SHPRH: variants seen among roughly 807,000 people sequenced by gnomAD.
SHPRH encodes E3 ubiquitin-protein ligase SHPRH.
Under a neutral mutation model 202.5 loss-of-function variants are expected in SHPRH, and 106 were observed. The observed-to-expected ratio is 0.52, with a 90% confidence interval of 0.45 to 0.62. SHPRH has a LOEUF of 0.62. SHPRH is among the 20% of genes least tolerant of loss of function. SHPRH has a pLI of 0.00. For synonymous variants in SHPRH, 729 were observed against 686.0 expected, an observed-to-expected ratio of 1.06 and a Z score of -0.98; for missense variants, 1,710 against 2,020.0, an observed-to-expected ratio of 0.85 and a Z score of 2.94.
At position 145,942,323 on chromosome 6, in the gene SHPRH, T is replaced by C. The variant is rs118182774; in HGVS notation, c.2239-449A>G. 3.5e-3 allele frequency among the ~76,000 whole-genome samples: 526 copies of C among 152,318 alleles called. 4 individuals are homozygous for C. Among genetic ancestry groups the C allele is most frequent in the Admixed American group, 5.9e-3 (90 of 15,290 alleles). ...TATGTTTCAGATACTGTGCTAAGCA[T>C]TATCTCCAAACTTCAACAATAATTC... On this transcript the variant is annotated intron_variant, in intron 9 of 29. Transcript: ENST00000275233.
At chr6:145,860,965 C>T (rs1325564213), downstream of SHPRH, among the ~76,000 whole-genome samples, 1 of 151,772 alleles carries the variant, frequency 6.6e-6, no homozygotes, top group African/African-American at 2.4e-5. Flanking sequence ...TGAAAGTGGG[C>T]CCTATATACA....
chr6:145,913,363 T>C, intron 24 of SHPRH, 115 bp downstream of exon 24: 1 of 885,910 alleles, frequency 1.1e-6, no homozygotes, highest in South Asian at 1.6e-5. Context: ...ATAATGGTAA[T>C]ACTTGCCTTT....
intron 2 of SHPRH, chr6:145,864,497 G>A: frequency 8.4e-6 from 2 of 237,266 alleles, no homozygotes; most frequent in Non-Finnish European, 9.3e-6. Flanking sequence ...AAAACCTGTG[G>A]AAATAAAAAA....
chr6:145,943,875 A>G lies in SHPRH; in HGVS notation c.1579-73T>C, dbSNP rs1029977541. ...GAAATTAAACTCCTGACTTTATGTA[A>G]GTACTTCATATAATTATGTAGCAGC... On this transcript the variant is annotated intron_variant, in intron 8 of 29. Coordinates refer to ENST00000275233, the MANE Select transcript of SHPRH (RefSeq NM_001042683.3). 2.3e-5 allele frequency: 31 copies of G among 1,326,158 alleles called. No homozygotes were observed. The African/African-American group carries it at 3.8e-4, about 16-fold the overall frequency. The allele number at this position is 1,326,158 out of a possible 1,614,324, so 82.1% of individuals were successfully genotyped here.
At chr6:145,891,573 T>C (rs1781569420) in intron 28 of SHPRH, among the ~76,000 whole-genome samples, 1 of 152,174 alleles carries the variant, frequency 6.6e-6, no homozygotes, top group African/African-American at 2.4e-5. Flanking sequence ...CCTAAAACAG[T>C]GCCTGGCACA....
chr6:145,882,830 A>G (rs995119423), downstream of SHPRH, among the ~76,000 whole-genome samples: 1 of 152,196 alleles, frequency 6.6e-6, no homozygotes, highest in African/African-American at 2.4e-5. Flanking sequence ...AGTATATCCT[A>G]AATAAATAAT....
At chr6:145,921,644 G>C (rs1784438800) in intron 20 of SHPRH, among the ~76,000 whole-genome samples, 1 of 151,796 alleles carries the variant, frequency 6.6e-6, no homozygotes, top group Non-Finnish European at 1.5e-5. Context: ...TTGACATGCA[G>C]AAGTGAACGT....
intron 14 of SHPRH, among the ~76,000 whole-genome samples, chr6:145,929,513 G>A (rs1240931870): frequency 6.6e-6 from 1 of 151,998 alleles, no homozygotes; most frequent in Non-Finnish European, 1.5e-5. Context: ...TCTAATTTAT[G>A]TAAGTTATAT....
Position 145,895,049 on chromosome 6 carries a change from A to G in SHPRH, c.4516-72T>C, listed in dbSNP as rs1005015314. 11 of 1,313,624 alleles carry G rather than the reference A, an allele frequency of 8.4e-6. No individual in the cohort carries two copies. The Admixed American group carries it at 1.4e-4, about 17-fold the overall frequency. The allele number at this position is 1,313,624 out of a possible 1,614,324, so 81.4% of individuals were successfully genotyped here. A position where few individuals can be genotyped will look rare whatever the true frequency, so the allele number is the denominator to read the frequency against. On this transcript the variant is annotated intron_variant, in intron 25 of 29. Transcript: ENST00000275233. ...TAAGAACAGAATAGAAAAGCAATAC[A>G]AAGTACTTTTTATTATCAAAACTAT...
intron 4 of SHPRH, among the ~76,000 whole-genome samples, chr6:145,948,581 A>C (rs763701379): frequency 6.6e-6 from 1 of 152,054 alleles, no homozygotes; most frequent in African/African-American, 2.4e-5. Flanking sequence ...TTTGGGCACA[A>C]ATCCACATCA....
chr6:145,879,586 C>T (rs1780459039), intron 2 of SHPRH, among the ~76,000 whole-genome samples: 1 of 152,068 alleles, frequency 6.6e-6, no homozygotes, highest in African/African-American at 2.4e-5. Flanking sequence ...CAAAACCGAT[C>T]CTATAGGCGC....
At position 145,935,106 on chromosome 6, in the gene SHPRH, T is replaced by C; in HGVS notation, c.2791A>G (p.Arg931Gly). Residue 931 changes from arginine to glycine, a missense_variant, in exon 13 of 30, where the codon AGG (arginine) becomes GGG (glycine). Arg to Gly is a moderately radical substitution (Grantham distance 125). Transcript: ENST00000275233. ...IHWLHFSPVE[R>G]HFYHRQHEVC... Reference sequence around the variant, plus strand: ...TCATGCTGACGGTGATAGAAATGCCTTTCCACTGGAGAAAAGTGGAGCCAG... The same window carrying C: ...TCATGCTGACGGTGATAGAAATGCCCTTCCACTGGAGAAAAGTGGAGCCAG... 10 of 1,613,904 alleles carry C rather than the reference T, an allele frequency of 6.2e-6. No individual in the cohort carries two copies. The highest frequency in any genetic ancestry group is 8.5e-6 in the Non-Finnish European group (10 of 1,179,966).
At chr6:145,932,329 A>C (rs973854192) in intron 14 of SHPRH, among the ~76,000 whole-genome samples, 3 of 152,180 alleles carry the variant, frequency 2.0e-5, no homozygotes, top group African/African-American at 7.2e-5. Flanking sequence ...AAAAACTACA[A>C]TAACAGGCAA....
At chr6:145,878,806 G>A (rs956969035) in intron 2 of SHPRH, among the ~76,000 whole-genome samples, 1 of 152,110 alleles carries the variant, frequency 6.6e-6, no homozygotes, top group Non-Finnish European at 1.5e-5. Flanking sequence ...TGTGGTTTCG[G>A]AGCAGAGCCA....
chr6:145,934,841 C>T (rs953115579), intron 13 of SHPRH, 66 bp downstream of exon 13: 13 of 1,453,380 alleles, frequency 8.9e-6, no homozygotes, highest in African/African-American at 5.7e-5. Context: ...TGAATGAAAC[C>T]GTGGGCCTGA....
intron 9 of SHPRH, 71 bp downstream of exon 9, chr6:145,943,072 A>G (rs1412761662): frequency 1.4e-6 from 2 of 1,473,402 alleles, no homozygotes; most frequent in Non-Finnish European, 1.8e-6. Context: ...AAAGAAACAA[A>G]GATTAGGAAA....
At chr6:145,926,423 T>A in intron 15 of SHPRH, 127 bp from the exon 16 acceptor site, 2 of 822,426 alleles carry the variant, frequency 2.4e-6, no homozygotes, top group East Asian at 2.6e-5. Flanking sequence ...ACTTTTCCTA[T>A]AAAAAAATCT....
At chr6:145,932,961 A>G in intron 14 of SHPRH, 96 bp downstream of exon 14, 1 of 1,321,010 alleles carries the variant, frequency 7.6e-7, no homozygotes, top group South Asian at 1.5e-5. Flanking sequence ...TTTGGGGGAA[A>G]AATCCCCCCC....
chr6:145,964,074 T>G lies in SHPRH; in HGVS notation c.-376A>C, dbSNP rs148611470. ...GCTCCAGGACAACCAGCGTCCTCCC[T>G]CCCTGGTCCCGGAGGCCAAAGACCA... On this transcript the variant is annotated 5_prime_UTR_variant, in exon 1 of 30. Transcript: ENST00000275233. 6.6e-6 allele frequency: 1 copy of G among 152,318 alleles called. No homozygotes were observed. The highest frequency in any genetic ancestry group is 1.5e-5 in the Non-Finnish European group (1 of 68,124). The allele number at this position is 152,318 out of a possible 1,614,324, so 9.4% of individuals were successfully genotyped here. A position where few individuals can be genotyped will look rare whatever the true frequency, so the allele number is the denominator to read the frequency against.
Sources: allele counts gnomAD v4.1 joint callset (sites outside exome capture counted in the v4.1 genomes callset), GRCh38; gene constraint gnomAD v4.1.1; transcripts MANE v1.5; gene names NCBI Gene and HGNC (gene_info 2026-07-23, HGNC 2026-07-21).